Variants in LIPC observed in about 807,000 individuals in gnomAD.
LIPC encodes lipase C, hepatic type.
LIPC carries 44 observed loss-of-function variants against 50.7 expected under a neutral mutation model. That is an observed-to-expected ratio of 0.87 (90% CI 0.68 to 1.11). The LOEUF (loss-of-function observed/expected upper bound fraction) is 1.11. LIPC is among the 50% of genes most tolerant of loss of function. The pLI is 0.00. For synonymous variants in LIPC, 271 were observed against 256.4 expected (o/e 1.06, Z -0.54); for missense variants, 697 against 648.2 (o/e 1.08, Z -0.82).
intron 1 of LIPC, chr15:58,454,643 G>A (rs1894042646): frequency 6.6e-6 from 1 of 152,288 alleles, no homozygotes. Flanking sequence ...CTAGTCAACA[G>A]GTGGGGTTGG....
intron 1 of LIPC, among the ~76,000 whole-genome samples, chr15:58,538,090 G>A (rs1235050055): frequency 6.6e-6 from 1 of 152,072 alleles, no homozygotes; most frequent in Non-Finnish European, 1.5e-5. Context: ...TGCTTGATTG[G>A]CTGGTCACTG....
chr15:58,482,477 A>C (rs141518847), intron 1 of LIPC, among the ~76,000 whole-genome samples: 1 of 151,966 alleles, frequency 6.6e-6, no homozygotes, highest in African/African-American at 2.4e-5. Context: ...AGTTGACCTA[A>C]CCTCTCTAGG....
intron 1 of LIPC, among the ~76,000 whole-genome samples, chr15:58,513,802 A>G (rs1384365226): frequency 6.6e-6 from 1 of 152,176 alleles, no homozygotes; most frequent in Non-Finnish European, 1.5e-5. Flanking sequence ...CTCCACTCAC[A>G]AGGGGCTGAG....
chr15:58,565,454 G>A, intron 8 of LIPC: 2 of 1,413,046 alleles, frequency 1.4e-6, no homozygotes, highest in Non-Finnish European at 1.8e-6. Context: ...GGAGAGGGAG[G>A]GGCCTGGCCC....
chr15:58,476,968 AAAC>A (rs1415544432), intron 1 of LIPC, among the ~76,000 whole-genome samples: 1 of 152,210 alleles, frequency 6.6e-6, no homozygotes, highest in Non-Finnish European at 1.5e-5. Context: ...AACTCAAATC[AAAC>A]AACCTGGTCT....
chr15:58,503,490 G>A (rs1178192995), intron 1 of LIPC, among the ~76,000 whole-genome samples: 1 of 152,164 alleles, frequency 6.6e-6, no homozygotes, highest in Non-Finnish European at 1.5e-5. Context: ...GGGAGATGAG[G>A]ACTTGGTCTG....
chr15:58,567,079 A>C (rs537956751), intron 8 of LIPC, among the ~76,000 whole-genome samples: 1 of 151,466 alleles, frequency 6.6e-6, no homozygotes, highest in African/African-American at 2.4e-5. Context: ...GCGCATGCCT[A>C]TAATCCCAGC....
chr15:58,562,712 G>C (rs1489146647), intron 7 of LIPC, among the ~76,000 whole-genome samples: 2 of 152,106 alleles, frequency 1.3e-5, no homozygotes, highest in African/African-American at 4.8e-5. Flanking sequence ...GAGGACCCTA[G>C]CCTCTGGATG....
chr15:58,475,550 G>A (rs1371844422), intron 1 of LIPC, among the ~76,000 whole-genome samples: 1 of 152,022 alleles, frequency 6.6e-6, no homozygotes, highest in Middle Eastern at 3.2e-3. Context: ...CAGAAACAAA[G>A]GTGACTGTCC....
chr15:58,561,711 C>T (rs1359068723), intron 7 of LIPC, among the ~76,000 whole-genome samples: 1 of 152,124 alleles, frequency 6.6e-6, no homozygotes, highest in East Asian at 1.9e-4. Flanking sequence ...TCTTTCAGGG[C>T]CTGCTGTCTG....
At chr15:58,491,755 C>G (rs547463927) in intron 1 of LIPC, among the ~76,000 whole-genome samples, 2 of 152,190 alleles carry the variant, frequency 1.3e-5, no homozygotes, top group Non-Finnish European at 2.9e-5. Flanking sequence ...ATTGCCTGAC[C>G]AGAGGTACAA....
intron 1 of LIPC, among the ~76,000 whole-genome samples, chr15:58,531,439 T>A (rs1416884011): frequency 6.6e-6 from 1 of 151,670 alleles, no homozygotes; most frequent in Non-Finnish European, 1.5e-5. Context: ...ATAACCAGAT[T>A]TCTTAAAAGA....
At chr15:58,511,966 T>C (rs1425744884) in intron 1 of LIPC, among the ~76,000 whole-genome samples, 5 of 152,012 alleles carry the variant, frequency 3.3e-5, no homozygotes, top group Non-Finnish European at 7.4e-5. Flanking sequence ...ACAATTAAAC[T>C]CAAACATACA....
chr15:58,545,804 G>A lies in LIPC; in HGVS notation c.637G>A (p.Asp213Asn), dbSNP rs780399994. ...CCCCAGCAATCGTCTTTCTCCAGAT[G>A]ATGCCAATTTTGTGGATGCCATTCA... Reference protein sequence around the residue: ...SAPSNRLSPDDANFVDAIHTF... With the variant: ...SAPSNRLSPDNANFVDAIHTF... The change falls in exon 5 of 9, where the codon GAT (aspartate) becomes AAT (asparagine). Residue 213 changes from aspartate to asparagine, a missense_variant. By Grantham distance (23) the Asp-to-Asn change is conservative. Coordinates refer to ENST00000299022, the MANE Select transcript of LIPC (RefSeq NM_000236.3). The A allele has an allele frequency of 6.2e-7, 1 of 1,614,104 alleles. No individual in the cohort carries two copies. The highest frequency in any genetic ancestry group is 1.7e-5 in the Admixed American group (1 of 60,012).
At chr15:58,564,499 G>A (rs548585181) in intron 8 of LIPC, among the ~76,000 whole-genome samples, 53 of 150,774 alleles carry the variant, frequency 3.5e-4, no homozygotes, top group African/African-American at 7.3e-4. Flanking sequence ...AGGCCTTGGC[G>A]GGCGGATCAC....
chr15:58,486,796 A>G (rs1384789461), intron 1 of LIPC, among the ~76,000 whole-genome samples: 3 of 152,170 alleles, frequency 2.0e-5, no homozygotes, highest in African/African-American at 4.8e-5. Flanking sequence ...CGTGGGGGAT[A>G]ATTTAGTGGA....
chr15:58,471,726 T>C (rs547319600), intron 1 of LIPC, among the ~76,000 whole-genome samples: 11 of 152,230 alleles, frequency 7.2e-5, no homozygotes, highest in Admixed American at 6.5e-4. Flanking sequence ...TTGAGCCAAA[T>C]AGAAATGCAT....
intron 8 of LIPC, among the ~76,000 whole-genome samples, chr15:58,568,431 G>C (rs545246513): frequency 5.4e-4 from 82 of 152,296 alleles, no homozygotes; most frequent in African/African-American, 1.9e-3. Flanking sequence ...TCTTCGATGA[G>C]CTGTCATAGG....
intron 1 of LIPC, among the ~76,000 whole-genome samples, chr15:58,445,482 A>G (rs1400620659): frequency 6.6e-6 from 1 of 152,164 alleles, no homozygotes; most frequent in Non-Finnish European, 1.5e-5. Context: ...TCAAGCCCAA[A>G]TTAGAAGGGT....
Sources: gnomAD v4.1 joint callset for allele counts (sites outside exome capture counted in the v4.1 genomes callset) on GRCh38, gnomAD v4.1.1 for gene constraint, MANE v1.5 for transcripts, NCBI Gene and HGNC (gene_info 2026-07-23, HGNC 2026-07-21) for gene names.